The following METTL8 variants were observed in gnomAD, a reference collection of about 807,000 sequenced individuals.
The protein encoded by METTL8 is methyltransferase 8, tRNA N3-cytidine.
METTL8 carries 32 observed loss-of-function variants against 48.7 expected under a neutral mutation model. The ratio of observed to expected loss-of-function variants is 0.66; its 90% CI spans 0.50 to 0.88. The LOEUF (loss-of-function observed/expected upper bound fraction) is 0.88. Among genes scored for constraint, METTL8 ranks in the 40% least tolerant of loss-of-function variants. The pLI is 0.00. For missense variants in METTL8, 464 were observed against 474.4 expected (o/e 0.98, Z 0.20); for synonymous variants, 136 against 157.1 (o/e 0.87, Z 1.01).
Position 171,355,042 on chromosome 2 carries a change from G to A in METTL8, c.235+5380C>T, listed in dbSNP as rs367652401. Reference sequence around the variant, plus strand: ...CGCGTTCCTTTGGAGGAGAAGAGGCGCTCTGATTTTTAGGATTTTCAGCTT... The same window carrying A: ...CGCGTTCCTTTGGAGGAGAAGAGGCACTCTGATTTTTAGGATTTTCAGCTT... On this transcript the variant is annotated intron_variant, in intron 3 of 9. Transcript: ENST00000375258. 2.2e-4 allele frequency among the ~76,000 whole-genome samples: 33 copies of A among 152,240 alleles called. No individual in the cohort carries two copies. The East Asian group carries it at 4.6e-3, about 21-fold the overall frequency.
At chr2:171,359,454 G>C (rs2105470302) in intron 3 of METTL8, among the ~76,000 whole-genome samples, 1 of 152,228 alleles carries the variant, frequency 6.6e-6, no homozygotes, top group South Asian at 2.1e-4. Flanking sequence ...AAACAGTGTG[G>C]AGTTTCCTCA....
chr2:171,353,844 T>C (rs1275556538), intron 3 of METTL8, among the ~76,000 whole-genome samples: 1 of 152,138 alleles, frequency 6.6e-6, no homozygotes, highest in Non-Finnish European at 1.5e-5. Flanking sequence ...ATTTTGAGCC[T>C]ATGTGTGTCT....
intron 3 of METTL8, among the ~76,000 whole-genome samples, chr2:171,344,926 A>G (rs1414841932): frequency 6.6e-6 from 1 of 152,256 alleles, no homozygotes; most frequent in African/African-American, 2.4e-5. Flanking sequence ...TGCTCTGACC[A>G]TGAGTAAAAA....
At chr2:171,369,602 A>G (rs558143681) in intron 2 of METTL8, among the ~76,000 whole-genome samples, 9 of 152,346 alleles carry the variant, frequency 5.9e-5, no homozygotes, top group African/African-American at 1.4e-4. Context: ...GAAAATATCA[A>G]TAGACATAAT....
chr2:171,330,545 T>C lies in METTL8; in HGVS notation c.860+14A>G. On this transcript the variant is annotated intron_variant, in intron 7 of 9. Coordinates refer to ENST00000375258, the MANE Select transcript of METTL8 (RefSeq NM_001321154.2). ...AGCTTTACACATCCACTTTGCCCTTTCGTCTTCATTTACCTGTCAGGATGA... is the reference window on the plus strand; with the variant it reads ...AGCTTTACACATCCACTTTGCCCTTCCGTCTTCATTTACCTGTCAGGATGA... 6.2e-7 allele frequency: 1 copy of C among 1,610,592 alleles called. No individual in the cohort carries two copies. The highest frequency in any genetic ancestry group is 8.5e-7 in the Non-Finnish European group (1 of 1,178,930).
rs199914344 is a variant in METTL8 at position 171,345,488 on chromosome 2, TAA to T, written c.236-5936_236-5935del. On this transcript the variant is annotated intron_variant, in intron 3 of 9. Coordinates refer to ENST00000375258, the MANE Select transcript of METTL8 (RefSeq NM_001321154.2). ...TCATTGTCTAATAAAAGAAAACTCT[TAA>T]AAACTATGAAATTAAAAGTATGTTT... Among the ~76,000 whole-genome samples the T allele has an allele frequency of 1.9e-3, 291 of 152,318 alleles. 6 individuals are homozygous for T. In the East Asian group the frequency reaches 0.029, roughly 15 times the overall value.
intron 1 of METTL8, among the ~76,000 whole-genome samples, chr2:171,418,961 G>A (rs572908522): frequency 4.0e-5 from 6 of 151,716 alleles, no homozygotes; most frequent in Non-Finnish European, 7.4e-5. Flanking sequence ...AGTATAGTCC[G>A]GTATGAGTAT....
intron 3 of METTL8, among the ~76,000 whole-genome samples, chr2:171,346,817 T>A (rs1687311916): frequency 6.6e-6 from 1 of 152,210 alleles, no homozygotes; most frequent in South Asian, 2.1e-4. Context: ...TGACCCATAT[T>A]CATCAGAGAC....
chr2:171,387,639 A>G (rs985668734), intron 2 of METTL8, among the ~76,000 whole-genome samples: 3 of 152,054 alleles, frequency 2.0e-5, no homozygotes, highest in African/African-American at 7.2e-5. Context: ...CTTTTAACAT[A>G]TAATTCAATA....
chr2:171,395,402 A>G (rs1688960312), intron 1 of METTL8, among the ~76,000 whole-genome samples: 2 of 152,252 alleles, frequency 1.3e-5, no homozygotes, highest in Non-Finnish European at 2.9e-5. Context: ...CCAATTAAAA[A>G]GCAGATTATT....
At chr2:171,371,481 T>G (rs1239440318) in intron 2 of METTL8, among the ~76,000 whole-genome samples, 5 of 152,092 alleles carry the variant, frequency 3.3e-5, no homozygotes, top group Non-Finnish European at 7.4e-5. Context: ...CTCAGCCTCC[T>G]GAGTAGCTGG....
At chr2:171,374,921 A>T (rs891725561) in intron 2 of METTL8, 2 of 1,234,716 alleles carry the variant, frequency 1.6e-6, no homozygotes, top group Non-Finnish European at 2.4e-6. Flanking sequence ...GTCTTTAAGA[A>T]CTCAGCTCCT....
intron 6 of METTL8, 70 bp from the exon 7 acceptor site, chr2:171,330,768 TA>T (rs1685446894): frequency 7.6e-7 from 1 of 1,320,398 alleles, no homozygotes; most frequent in African/African-American, 1.5e-5. Context: ...TTTTTTTAAA[TA>T]AAAAGGTCAA....
At chr2:171,327,465 C>T (rs1685071969) in intron 7 of METTL8, among the ~76,000 whole-genome samples, 1 of 152,174 alleles carries the variant, frequency 6.6e-6, no homozygotes, top group African/African-American at 2.4e-5. Context: ...TGTGCTAAGT[C>T]CTTGTCTCTG....
At chr2:171,396,478 T>C (rs560411316) in intron 1 of METTL8, among the ~76,000 whole-genome samples, 1 of 152,312 alleles carries the variant, frequency 6.6e-6, no homozygotes, top group South Asian at 2.1e-4. Context: ...TCTAATGTAA[T>C]GTCATGTATG....
At position 171,320,905 on chromosome 2, in the gene METTL8, T is replaced by C. The variant is rs574344218; in HGVS notation, c.*3267A>G. ...ATTTATAAGACACCATATCTCAAAC[T>C]GATCTCAGATGGCTCCAGTTCAGAG... On this transcript the variant is annotated 3_prime_UTR_variant, in exon 10 of 10. Coordinates refer to ENST00000375258, the MANE Select transcript of METTL8 (RefSeq NM_001321154.2). 1 of 152,204 alleles carries C rather than the reference T, an allele frequency of 6.6e-6. No homozygotes were observed. Among genetic ancestry groups the C allele is most frequent in the Non-Finnish European group, 1.5e-5 (1 of 68,052 alleles). 9.4% of individuals were successfully genotyped at this position (152,204 alleles called of 1,614,324 possible).
At chr2:171,397,122 T>G (rs1689144267) in intron 1 of METTL8, among the ~76,000 whole-genome samples, 1 of 151,518 alleles carries the variant, frequency 6.6e-6, no homozygotes, top group Admixed American at 6.6e-5. Flanking sequence ...TTGCCTGGCC[T>G]CAGCTTCTAT....
chr2:171,369,125 G>A (rs1686029542), intron 2 of METTL8, among the ~76,000 whole-genome samples: 1 of 152,012 alleles, frequency 6.6e-6, no homozygotes, highest in African/African-American at 2.4e-5. Context: ...CTAACACGGT[G>A]AAACCCCGTC....
chr2:171,334,736 A>G (rs774879794), intron 5 of METTL8, among the ~76,000 whole-genome samples: 2 of 152,228 alleles, frequency 1.3e-5, no homozygotes, highest in African/African-American at 2.4e-5. Context: ...AGAGCTAAGA[A>G]GAAAGAGTTA....
Sources: allele counts gnomAD v4.1 joint callset (sites outside exome capture counted in the v4.1 genomes callset), GRCh38; gene constraint gnomAD v4.1.1; transcripts MANE v1.5; gene names NCBI Gene and HGNC (gene_info 2026-07-23, HGNC 2026-07-21).